SRP14: variants seen among roughly 807,000 people sequenced by gnomAD.
SRP14 encodes the protein signal recognition particle 14, also known as signal recognition particle 14 kDa protein.
SRP14 carries 1 observed loss-of-function variant against 16.0 expected under a neutral mutation model. That is an observed-to-expected ratio of 0.06 (90% CI 0.02 to 0.30). The LOEUF is 0.30. Ranked by LOEUF, SRP14 falls within the 10% of genes least tolerant of loss-of-function variation. SRP14 has a pLI of 1.00. For synonymous variants in SRP14, 67 were observed against 60.1 expected, an observed-to-expected ratio of 1.12 and a Z score of -0.53; for missense variants, 120 against 163.1, an observed-to-expected ratio of 0.74 and a Z score of 1.44.
chr15:40,037,279 G>GACAAAAAAAAAAAAAAAAA, intron 3 of SRP14: 1 of 740,790 alleles, frequency 1.3e-6, no homozygotes, highest in Non-Finnish European at 1.7e-6. Context: ...TCCTTTTGGG[G>GACAAAAAAAAAAAAAAAAA]AAAAAAAAAA....
At chr15:40,039,189 G>C (rs917182962), upstream of SRP14, 46 of 1,549,144 alleles carry the variant, frequency 3.0e-5, no homozygotes, top group Non-Finnish European at 1.6e-5. Context: ...CCTAGGCTGG[G>C]CGGGACTTCC....
intron 4 of SRP14, 112 bp downstream of exon 4, chr15:40,036,874 G>C (rs1382350302): frequency 3.2e-6 from 4 of 1,248,706 alleles, no homozygotes; most frequent in Admixed American, 3.5e-5. Context: ...AAACATACTG[G>C]TAAAACTTAT....
intron 3 of SRP14, 95 bp downstream of exon 3, chr15:40,038,187 G>A (rs2035659753): frequency 1.1e-5 from 11 of 1,029,046 alleles, no homozygotes; most frequent in South Asian, 4.0e-5. Flanking sequence ...AGGGCAAAAG[G>A]GAAAAACAAA....
rs1317414629 is a variant in SRP14, at chr15:40,036,254, C to T, written c.*79G>A. On this transcript the variant is annotated 3_prime_UTR_variant, in exon 5 of 5. Transcript: ENST00000267884. ...TGTGAAAACACCTACTGTGGGGGAA[C>T]CAGAAACCTAGCTATCTGGCCAAAA... is the stretch of plus-strand genomic sequence containing the variant. 1.3e-6 allele frequency: 2 copies of T among 1,587,848 alleles called. No homozygotes were observed. The highest frequency in any genetic ancestry group is 1.7e-6 in the Non-Finnish European group (2 of 1,163,294).
rs770676448 is a variant in SRP14 at position 40,038,336 on chromosome 15, T to G, written c.156A>C (p.Ala52=). The G allele has an allele frequency of 6.2e-7, 1 of 1,614,190 alleles. No individual in the cohort carries two copies. Among genetic ancestry groups the G allele is most frequent in the South Asian group, 1.1e-5 (1 of 91,084 alleles). Residue 52 remains alanine (A), a synonymous_variant, in exon 3 of 5, where the codon GCA becomes GCC. Coordinates refer to ENST00000267884, the MANE Select transcript of SRP14 (RefSeq NM_003134.6). ...TAGCTCTTAACAGACACTTGTTGTC[T>G]GCGGGCTCAAAGCCCTCCACAGTAC... is the stretch of plus-strand genomic sequence containing the variant. The part of the protein sequence containing the change: ...KKGTVEGFEP[A]DNKCLLRATD...
intron 1 of SRP14, 53 bp from the exon 2 acceptor site, chr15:40,039,001 C>A (rs62621371): frequency 1.4e-5 from 23 of 1,604,328 alleles, no homozygotes; most frequent in Non-Finnish European, 2.0e-5. Flanking sequence ...CTCGTCCTGC[C>A]GCGTCAAGGC....
At chr15:40,037,278 G>GAAAAAAAAAAAAAAAA in intron 3 of SRP14, 9 of 193,424 alleles carry the variant, frequency 4.7e-5, no homozygotes, top group South Asian at 1.7e-4. Context: ...CTCCTTTTGG[G>GAAAAAAAAAAAAAAAA]GAAAAAAAAA....
At chr15:40,039,006 C>A in intron 1 of SRP14, 58 bp from the exon 2 acceptor site, 1 of 1,605,352 alleles carries the variant, frequency 6.2e-7, no homozygotes, top group Non-Finnish European at 8.5e-7. Context: ...CCTGCCGCGT[C>A]AAGGCCCTGG....
chr15:40,038,242 T>G, intron 3 of SRP14, 40 bp downstream of exon 3: 4 of 1,486,594 alleles, frequency 2.7e-6, no homozygotes, highest in Non-Finnish European at 3.8e-6. Flanking sequence ...TAAGTTCAAG[T>G]CTTTACATTT....
intron 2 of SRP14, 184 bp downstream of exon 2, chr15:40,038,692 G>T: frequency 1.5e-6 from 1 of 654,660 alleles, no homozygotes; most frequent in East Asian, 2.7e-5. Context: ...CAACCTAGGC[G>T]GCTCAGTGCT....
In SRP14 at chr15:40,035,850, TA is replaced by T. The variant is rs1375927596; in HGVS notation, c.*482del. On this transcript the variant is annotated 3_prime_UTR_variant, in exon 5 of 5. Transcript: ENST00000267884. ...CATCGAAACTGGGGAACCATGATGA[TA>T]AAATTATACAGCCAGGTGGGAAGCA... The T allele has an allele frequency of 6.5e-6, 1 of 153,950 alleles. No homozygotes were observed. The highest frequency in any genetic ancestry group is 1.4e-5 in the Non-Finnish European group (1 of 69,286). The allele number at this position is 153,950 out of a possible 1,614,324, so 9.5% of individuals were successfully genotyped here.
At chr15:40,038,831 C>T in intron 2 of SRP14, 45 bp downstream of exon 2, 2 of 1,603,554 alleles carry the variant, frequency 1.2e-6, no homozygotes, top group Non-Finnish European at 1.7e-6. Context: ...CTCCCAGACA[C>T]CGGGAACCCA....
chr15:40,037,278 G>GTAAAAAAAAA, intron 3 of SRP14: 15 of 193,344 alleles, frequency 7.8e-5, no homozygotes, highest in Admixed American at 4.6e-4. Context: ...CTCCTTTTGG[G>GTAAAAAAAAA]GAAAAAAAAA....
At chr15:40,037,729 C>T (rs560756212) in intron 3 of SRP14, among the ~76,000 whole-genome samples, 1 of 152,274 alleles carries the variant, frequency 6.6e-6, no homozygotes, top group South Asian at 2.1e-4. Flanking sequence ...GTATAGTCTA[C>T]ATTTTCATGC....
At chr15:40,037,485 C>T (rs1446160573) in intron 3 of SRP14, 9 of 473,064 alleles carry the variant, frequency 1.9e-5, no homozygotes, top group East Asian at 1.0e-4. Context: ...AAGCACAATG[C>T]GAGCTACCAC....
chr15:40,038,864 C>T lies in SRP14; in HGVS notation c.97+12G>A. ...CCAGGGAGCATCGCCCGGCTCCCCT[C>T]CCGCTGCTTACACTTCTTCAAGGTG... On this transcript the variant is annotated intron_variant, in intron 2 of 4. Coordinates refer to ENST00000267884, the MANE Select transcript of SRP14 (RefSeq NM_003134.6). The T allele has an allele frequency of 6.2e-7, 1 of 1,613,474 alleles. No individual in the cohort carries two copies. The highest frequency in any genetic ancestry group is 1.3e-5 in the African/African-American group (1 of 75,032).
At chr15:40,037,099 C>T in intron 3 of SRP14, 81 bp from the exon 4 acceptor site, 2 of 1,486,562 alleles carry the variant, frequency 1.3e-6, no homozygotes, top group Non-Finnish European at 1.8e-6. Context: ...ATCTCAAAAG[C>T]CTCCGGAAGA....
In SRP14 at chr15:40,036,932, A is replaced by G. The variant is rs530957031; in HGVS notation, c.243+54T>C. 6 of 1,595,872 alleles carry G rather than the reference A, an allele frequency of 3.8e-6. No individual in the cohort carries two copies. The South Asian group carries it at 4.4e-5, about 12-fold the overall frequency. ...GTATCAATCTTACCCAGTGTTCACT[A>G]TCATACTGACTCTTGCCCTGAGAAG... is the stretch of plus-strand genomic sequence containing the variant. On this transcript the variant is annotated intron_variant, in intron 4 of 4. Transcript: ENST00000267884.
In SRP14 at chr15:40,036,823, G is replaced by A. The variant is rs141574248; in HGVS notation, c.243+163C>T. 121 of 771,362 alleles carry A rather than the reference G, an allele frequency of 1.6e-4. No individual in the cohort carries two copies. In the African/African-American group the frequency reaches 1.9e-3, roughly 12 times the overall value. 47.8% of individuals were successfully genotyped at this position (771,362 alleles called of 1,614,324 possible). A position where few individuals can be genotyped will look rare whatever the true frequency, so the allele number is the denominator to read the frequency against. On this transcript the variant is annotated intron_variant, in intron 4 of 4. Coordinates refer to ENST00000267884, the MANE Select transcript of SRP14 (RefSeq NM_003134.6). ...ACTTAAAAAAACTAGAAAGGAAGAC[G>A]GTATTAGCATTGAAATTCACACCCT...
Sources: allele counts gnomAD v4.1 joint callset (sites outside exome capture counted in the v4.1 genomes callset), GRCh38; gene constraint gnomAD v4.1.1; transcripts MANE v1.5; gene names NCBI Gene and HGNC (gene_info 2026-07-23, HGNC 2026-07-21).